The following LSAMP variants were observed in gnomAD, a reference collection of about 807,000 sequenced individuals.
LSAMP encodes the protein limbic system-associated membrane protein.
Under a neutral mutation model 38.6 loss-of-function variants are expected in LSAMP, and 7 were observed. That is an observed-to-expected ratio of 0.18 (90% confidence interval 0.10 to 0.34). The LOEUF (loss-of-function observed/expected upper bound fraction) is 0.34, where lower values mean the gene tolerates loss of function less well. LSAMP is among the 10% of genes least tolerant of loss of function. LSAMP has a pLI of 1.00. For synonymous variants in LSAMP, 154 were observed against 166.8 expected (o/e 0.92, Z 0.59); for missense variants, 313 against 420.0 (o/e 0.75, Z 2.23).
chr3:116,321,288 G>A (rs1483175020), intron 1 of LSAMP, among the ~76,000 whole-genome samples: 1 of 152,060 alleles, frequency 6.6e-6, no homozygotes, highest in Non-Finnish European at 1.5e-5. Flanking sequence ...TGGGAGGATT[G>A]CTTTAGCCCA....
intron 1 of LSAMP, among the ~76,000 whole-genome samples, chr3:116,273,707 T>TACACAC (rs10530643): frequency 1.7e-4 from 17 of 102,588 alleles, no homozygotes; most frequent in African/African-American, 6.6e-4. Flanking sequence ...TATATATATA[T>TACACAC]ACACACACAC....
At chr3:116,175,099 A>G (rs1710304559) in intron 1 of LSAMP, among the ~76,000 whole-genome samples, 1 of 152,058 alleles carries the variant, frequency 6.6e-6, no homozygotes, top group South Asian at 2.1e-4. Flanking sequence ...AAGAGCCTTT[A>G]CTCACAGTAT....
intron 3 of LSAMP, among the ~76,000 whole-genome samples, chr3:115,916,839 C>T (rs557162777): frequency 1.3e-5 from 2 of 152,222 alleles, no homozygotes; most frequent in Admixed American, 6.5e-5. Flanking sequence ...GTCACCCAAG[C>T]GTTACACACA....
At chr3:116,419,771 C>A (rs1343781280) in intron 1 of LSAMP, among the ~76,000 whole-genome samples, 1 of 152,060 alleles carries the variant, frequency 6.6e-6, no homozygotes, top group Non-Finnish European at 1.5e-5. Context: ...GCTCATTGTC[C>A]AACATAGAGA....
chr3:116,113,730 C>T (rs1697140617), intron 1 of LSAMP, among the ~76,000 whole-genome samples: 1 of 151,946 alleles, frequency 6.6e-6, no homozygotes, highest in African/African-American at 2.4e-5. Context: ...CGGCCCTTTG[C>T]CCTATATTTT....
At chr3:116,203,227 A>G (rs2046012123) in intron 1 of LSAMP, among the ~76,000 whole-genome samples, 1 of 152,170 alleles carries the variant, frequency 6.6e-6, no homozygotes, top group South Asian at 2.1e-4. Context: ...TAATTTCACC[A>G]TTAGGTATTT....
chr3:116,303,170 A>G (rs2047437312), intron 1 of LSAMP, among the ~76,000 whole-genome samples: 1 of 152,224 alleles, frequency 6.6e-6, no homozygotes, highest in Non-Finnish European at 1.5e-5. Context: ...GGTAAATAGT[A>G]ACCGAAATGT....
In LSAMP at chr3:115,816,579, G is replaced by T. The variant is rs1934027229; in HGVS notation, c.920-6165C>A. The T allele has an allele frequency of 2.4e-6, 3 of 1,237,094 alleles. No individual in the cohort carries two copies. The South Asian group carries it at 3.8e-5, about 16-fold the overall frequency. The allele number at this position is 1,237,094 out of a possible 1,614,324, so 76.6% of individuals were successfully genotyped here. On this transcript the variant is annotated intron_variant, in intron 6 of 6. Coordinates refer to ENST00000490035, the MANE Select transcript of LSAMP (RefSeq NM_002338.5). ...TATATTGCTGTGAAATCTTAATTTT[G>T]ACATATGGAAGGTAACCAAAAATAA...
chr3:115,984,832 T>C (rs1009215061), intron 3 of LSAMP, among the ~76,000 whole-genome samples: 2 of 152,142 alleles, frequency 1.3e-5, no homozygotes, highest in Non-Finnish European at 2.9e-5. Context: ...GGGTTCTATA[T>C]AGGTTTGAAG....
chr3:116,433,975 C>A (rs562356416), intron 1 of LSAMP, among the ~76,000 whole-genome samples: 1 of 152,088 alleles, frequency 6.6e-6, no homozygotes, highest in African/African-American at 2.4e-5. Flanking sequence ...CAAAATACCC[C>A]CATTTGCCCT....
chr3:115,963,969 T>C (rs1402357038), intron 3 of LSAMP, among the ~76,000 whole-genome samples: 1 of 152,164 alleles, frequency 6.6e-6, no homozygotes, highest in Non-Finnish European at 1.5e-5. Context: ...CCCAGGCTGT[T>C]CTTGAACTAC....
chr3:116,333,121 C>T (rs560378106), intron 1 of LSAMP, among the ~76,000 whole-genome samples: 133 of 152,160 alleles, frequency 8.7e-4, no homozygotes, highest in African/African-American at 3.1e-3. Flanking sequence ...ACACAATAAA[C>T]CAACTAGATC....
chr3:115,896,257 T>C (rs1936726336), intron 3 of LSAMP, among the ~76,000 whole-genome samples: 1 of 152,026 alleles, frequency 6.6e-6, no homozygotes, highest in Admixed American at 6.6e-5. Flanking sequence ...AAAAACCCAA[T>C]TTAAGGTCCA....
intron 3 of LSAMP, among the ~76,000 whole-genome samples, chr3:115,954,719 T>G (rs1938399168): frequency 6.6e-6 from 1 of 152,146 alleles, no homozygotes; most frequent in African/African-American, 2.4e-5. Context: ...AGCCCAGCAT[T>G]TATTAGATGC....
At chr3:116,420,405 AT>A (rs1033249703) in intron 1 of LSAMP, among the ~76,000 whole-genome samples, 1 of 151,588 alleles carries the variant, frequency 6.6e-6, no homozygotes, top group South Asian at 2.1e-4. Flanking sequence ...GCCCAAACCC[AT>A]TTTTTCAGAG....
rs192153344 is a variant in LSAMP at position 116,223,139 on chromosome 3, T to C, written c.156-136583A>G. On this transcript the variant is annotated intron_variant, in intron 1 of 6. Transcript: ENST00000490035. ...GGAAGTTTTAGCCCAGATGCATTTT[T>C]AAGCGTTTGCTTAACAGATAAAAAA... Among the ~76,000 whole-genome samples, 5 of 152,308 alleles carry C rather than the reference T, an allele frequency of 3.3e-5. No homozygotes were observed. In the East Asian group the frequency reaches 9.6e-4, roughly 29 times the overall value.
At chr3:116,199,023 G>A (rs958014604) in intron 1 of LSAMP, among the ~76,000 whole-genome samples, 4 of 152,090 alleles carry the variant, frequency 2.6e-5, no homozygotes, top group African/African-American at 7.2e-5. Context: ...GGTCCAGGCT[G>A]CAGTGAGCCA....
intron 1 of LSAMP, among the ~76,000 whole-genome samples, chr3:116,160,117 C>T (rs528115195): frequency 5.9e-5 from 9 of 152,084 alleles, no homozygotes; most frequent in African/African-American, 2.2e-4. Flanking sequence ...GAAAAACTAC[C>T]GGCTGGGCAC....
intron 1 of LSAMP, among the ~76,000 whole-genome samples, chr3:116,099,834 C>G (rs1708304236): frequency 6.6e-6 from 1 of 152,030 alleles, no homozygotes; most frequent in South Asian, 2.1e-4. Context: ...TTGTACTTTT[C>G]TCCTGATCTC....
Sources: allele counts gnomAD v4.1 joint callset (sites outside exome capture counted in the v4.1 genomes callset), GRCh38; gene constraint gnomAD v4.1.1; transcripts MANE v1.5; gene names NCBI Gene and HGNC (gene_info 2026-07-23, HGNC 2026-07-21).